Variants in FHAD1 observed in about 807,000 individuals in gnomAD.
FHAD1 encodes forkhead-associated domain-containing protein 1.
In FHAD1, 146 loss-of-function variants were observed where a neutral mutation model predicts 191.3. The observed-to-expected ratio is 0.76, with a 90% CI of 0.67 to 0.88. FHAD1 has a LOEUF of 0.88. Ranked by LOEUF, FHAD1 falls within the 40% of genes least tolerant of loss-of-function variation. The pLI is 0.00. For synonymous variants in FHAD1, 616 were observed against 672.3 expected, an observed-to-expected ratio of 0.92 and a Z score of 1.29; for missense variants, 1,635 against 1,785.8, an observed-to-expected ratio of 0.92 and a Z score of 1.52.
At position 15,358,128 on chromosome 1, in the gene FHAD1, C is replaced by A; in HGVS notation, c.2581C>A (p.Gln861Lys). The A allele has an allele frequency of 1.3e-6, 2 of 1,510,012 alleles. No individual in the cohort carries two copies. Among genetic ancestry groups the A allele is most frequent in the Non-Finnish European group, 8.8e-7 (1 of 1,136,236 alleles). The allele number at this position is 1,510,012 out of a possible 1,614,324, so 93.5% of individuals were successfully genotyped here. A position where few individuals can be genotyped will look rare whatever the true frequency, so the allele number is the denominator to read the frequency against. The stretch of plus-strand genomic sequence containing the variant: ...TGTCTAGGAATTAGAATTAAAAGAG[C>A]AAAAAGAGGACGTTTTAAATAATAA... ...KQKEELELKE[Q>K]KEDVLNNKLS... Residue 861 changes from glutamine to lysine, a missense_variant, in exon 21 of 34, where the codon CAA (glutamine) becomes AAA (lysine). Gln to Lys is a moderately conservative substitution (Grantham distance 53, BLOSUM62 1). Transcript: ENST00000688493.
chr1:15,270,409 A>G (rs1655405792), intron 2 of FHAD1, among the ~76,000 whole-genome samples: 1 of 152,168 alleles, frequency 6.6e-6, no homozygotes, highest in Non-Finnish European at 1.5e-5. Flanking sequence ...AAGCGGGGTG[A>G]CTTTGGGTAA....
intron 2 of FHAD1, among the ~76,000 whole-genome samples, chr1:15,257,837 TG>T (rs1020455841): frequency 3.3e-5 from 5 of 152,204 alleles, no homozygotes; most frequent in African/African-American, 1.2e-4. Context: ...GCATTCATGT[TG>T]TTTTTTTGGG....
intron 3 of FHAD1, among the ~76,000 whole-genome samples, chr1:15,274,963 G>A (rs1254331819): frequency 1.3e-5 from 2 of 151,858 alleles, no homozygotes; most frequent in Non-Finnish European, 2.9e-5. Flanking sequence ...AGACAACAAA[G>A]CACACTTTTT....
chr1:15,377,292 C>A (rs2496340), intron 28 of FHAD1, among the ~76,000 whole-genome samples: 57,828 of 152,022 alleles, frequency 0.38, 14,090 homozygotes, highest in African/African-American at 0.7. Flanking sequence ...GAAAATCAAA[C>A]CCTACTTCCC....
intron 20 of FHAD1, among the ~76,000 whole-genome samples, chr1:15,356,210 G>A (rs954682347): frequency 1.3e-5 from 2 of 152,178 alleles, no homozygotes; most frequent in African/African-American, 2.4e-5. Context: ...GAGTTTATTC[G>A]AGCTCAAAGC....
Position 15,318,006 on chromosome 1 carries a change from G to A in FHAD1, c.1365+78G>A. 1 of 905,764 alleles carries A rather than the reference G, an allele frequency of 1.1e-6. No individual in the cohort carries two copies. The highest frequency in any genetic ancestry group is 1.5e-5 in the South Asian group (1 of 66,354). 56.1% of individuals were successfully genotyped at this position (905,764 alleles called of 1,614,324 possible). On this transcript the variant is annotated intron_variant, in intron 10 of 33. Coordinates refer to ENST00000688493, the MANE Select transcript of FHAD1 (RefSeq NM_001391957.1). The surrounding 1 kb of genome is among the most constrained non-coding windows in gnomAD (Gnocchi z 4.1). ...CATCATCCCTGTTAGTCCTCTAAGT[G>A]GACTATGCTGGTATTAACCCTTCTT...
At chr1:15,317,744 G>A in intron 9 of FHAD1, 80 bp from the exon 10 acceptor site, 2 of 874,332 alleles carry the variant, frequency 2.3e-6, no homozygotes, top group South Asian at 3.2e-5. Context: ...GCCAGGGGAT[G>A]ATGAGGGCTC....
At chr1:15,387,428 C>T (rs1449305421) in intron 31 of FHAD1, among the ~76,000 whole-genome samples, 3 of 152,076 alleles carry the variant, frequency 2.0e-5, no homozygotes, top group Non-Finnish European at 4.4e-5. Context: ...TAGAGTGGTG[C>T]AGTGTATGGA....
chr1:15,299,217 A>AG (rs1558041937), intron 5 of FHAD1, among the ~76,000 whole-genome samples: 5 of 140,356 alleles, frequency 3.6e-5, no homozygotes, highest in African/African-American at 8.7e-5. Flanking sequence ...AAAAAAAAAA[A>AG]GGAAAAAAAA....
At chr1:15,376,233 G>A (rs1699617437) in intron 28 of FHAD1, among the ~76,000 whole-genome samples, 1 of 151,864 alleles carries the variant, frequency 6.6e-6, no homozygotes. Flanking sequence ...GGGACTACAG[G>A]CACCCGCCAC....
intron 18 of FHAD1, among the ~76,000 whole-genome samples, chr1:15,347,960 A>G (rs1228160043): frequency 1.3e-5 from 2 of 152,206 alleles, no homozygotes; most frequent in African/African-American, 4.8e-5. Context: ...ACTGCAGAGA[A>G]GCCACCCAGA....
intron 28 of FHAD1, among the ~76,000 whole-genome samples, chr1:15,376,079 TTTTTTATTTA>T (rs1368360842): frequency 9.9e-4 from 133 of 135,004 alleles, no homozygotes; most frequent in African/African-American, 3.4e-3. Context: ...ATTTATTTAT[TTTTTTATTTA>T]TTTTTTTATT....
At chr1:15,282,972 A>G (rs1174458189) in intron 3 of FHAD1, among the ~76,000 whole-genome samples, 25 of 152,244 alleles carry the variant, frequency 1.6e-4, no homozygotes, top group African/African-American at 2.4e-5. Context: ...TATGGAAGCA[A>G]CAGTGCACAG....
At chr1:15,376,396 G>A (rs759769732) in intron 28 of FHAD1, among the ~76,000 whole-genome samples, 15 of 152,132 alleles carry the variant, frequency 9.9e-5, no homozygotes, top group Non-Finnish European at 2.1e-4. Flanking sequence ...GGCCGATCAC[G>A]GGTGATATTC....
At chr1:15,254,676 A>G (rs2100843370) in intron 2 of FHAD1, among the ~76,000 whole-genome samples, 1 of 152,376 alleles carries the variant, frequency 6.6e-6, no homozygotes. Flanking sequence ...TGTCAGCAAC[A>G]GTTCCATTGA....
chr1:15,272,601 AG>A, intron 3 of FHAD1, 72 bp downstream of exon 3: 1 of 1,383,232 alleles, frequency 7.2e-7, no homozygotes, highest in Non-Finnish European at 9.9e-7. Flanking sequence ...ATGCAGCTGC[AG>A]GGTGGCGCTT....
At chr1:15,384,141 G>A (rs1339820075) in intron 31 of FHAD1, 1 of 179,448 alleles carries the variant, frequency 5.6e-6, no homozygotes, top group East Asian at 1.8e-4. Flanking sequence ...CCACCAACCA[G>A]GTGAGCTCCT....
chr1:15,382,505 A>G (rs1292420982), intron 31 of FHAD1, among the ~76,000 whole-genome samples: 1 of 152,122 alleles, frequency 6.6e-6, no homozygotes, highest in African/African-American at 2.4e-5. Context: ...GCTCTCAGAG[A>G]GTGGAGATTT....
Position 15,251,781 on chromosome 1 carries a change from G to C in FHAD1, c.-4G>C, listed in dbSNP as rs1289709953. The C allele has an allele frequency of 6.5e-7, 1 of 1,548,208 alleles. No homozygotes were observed. Among genetic ancestry groups the C allele is most frequent in the Admixed American group, 2.0e-5 (1 of 49,940 alleles). Reference sequence around the variant, plus strand: ...GAAAACCTTATGTAGGGAAAACAGAGAGGATGAAGGCCTATCTAAAGAGCG... The same window carrying C: ...GAAAACCTTATGTAGGGAAAACAGACAGGATGAAGGCCTATCTAAAGAGCG... On this transcript the variant is annotated 5_prime_UTR_variant, in exon 2 of 34. Transcript: ENST00000688493.
Sources: gnomAD v4.1 joint callset for allele counts (sites outside exome capture counted in the v4.1 genomes callset) on GRCh38, gnomAD v4.1.1 for gene constraint, Gnocchi (gnomAD v3.1) non-coding constraint, MANE v1.5 for transcripts, NCBI Gene and HGNC (gene_info 2026-07-23, HGNC 2026-07-21) for gene names.